ANKUB1: variants seen among roughly 807,000 people sequenced by gnomAD.
ANKUB1 encodes the protein ankyrin repeat and ubiquitin domain containing 1.
A neutral mutation model predicts 49.3 loss-of-function variants in ANKUB1; 42 were observed. The observed-to-expected ratio is 0.85, with a 90% confidence interval of 0.67 to 1.10. The LOEUF is 1.10. ANKUB1 is among the 50% of genes least tolerant of loss of function. The probability of loss-of-function intolerance (pLI) is 0.00; values close to 1 mark genes in which losing one functional copy is unlikely to be tolerated. For missense variants in ANKUB1, 613 were observed against 642.0 expected (o/e 0.95, Z 0.49); for synonymous variants, 222 against 231.0 (o/e 0.96, Z 0.35).
In ANKUB1 at chr3:149,767,990, A is replaced by C; in HGVS notation, c.672T>G (p.Val224=). ...CATGGCACCATGCTCGATAGGGGTG[A>C]ACACCGACTGCCTCGTGGGGCCGCG... ...QGARPHEAVG[V]HPYRAWCHEA... Residue 224 remains valine (V), a synonymous_variant, in exon 5 of 6, where the codon GTT becomes GTG. Coordinates refer to ENST00000446160, the MANE Select transcript of ANKUB1 (RefSeq NM_001144960.3). The C allele has an allele frequency of 6.6e-7, 1 of 1,523,576 alleles. No individual in the cohort carries two copies. Among genetic ancestry groups the C allele is most frequent in the Non-Finnish European group, 8.9e-7 (1 of 1,129,582 alleles). 94.4% of individuals were successfully genotyped at this position (1,523,576 alleles called of 1,614,324 possible).
intron 3 of ANKUB1, among the ~76,000 whole-genome samples, chr3:149,773,759 C>T (rs12486289): frequency 0.078 from 11,902 of 152,186 alleles, 630 homozygotes; most frequent in East Asian, 0.27. Flanking sequence ...TTAGCCTGGC[C>T]CCATACCGCA....
intron 2 of ANKUB1, among the ~76,000 whole-genome samples, chr3:149,781,557 G>T (rs1045145882): frequency 1.4e-4 from 22 of 152,230 alleles, no homozygotes; most frequent in Admixed American, 6.5e-4. Context: ...TCTTCAGGGG[G>T]CTCCAACCTG....
chr3:149,780,046 A>G, intron 3 of ANKUB1, 193 bp downstream of exon 3: 1 of 595,320 alleles, frequency 1.7e-6, no homozygotes, highest in South Asian at 2.2e-5. Flanking sequence ...GCAACTTACC[A>G]CTACACATCC....
chr3:149,769,091 T>A (rs1297746479), intron 4 of ANKUB1, among the ~76,000 whole-genome samples: 1 of 152,174 alleles, frequency 6.6e-6, no homozygotes, highest in Non-Finnish European at 1.5e-5. Flanking sequence ...TTAGAATATT[T>A]TATAAAATTG....
intron 4 of ANKUB1, 58 bp downstream of exon 4, chr3:149,770,502 G>T: frequency 7.8e-7 from 1 of 1,275,396 alleles, no homozygotes; most frequent in Non-Finnish European, 1.1e-6. Flanking sequence ...AAGGTATGAT[G>T]GAAGTTTAGT....
intron 5 of ANKUB1, among the ~76,000 whole-genome samples, chr3:149,765,744 A>G (rs1167034823): frequency 6.6e-6 from 1 of 152,204 alleles, no homozygotes; most frequent in Admixed American, 6.5e-5. Context: ...GGGACTATGT[A>G]GTTTTTTCAA....
chr3:149,789,707 G>A (rs1718274228), intron 2 of ANKUB1, among the ~76,000 whole-genome samples: 1 of 148,342 alleles, frequency 6.7e-6, no homozygotes, highest in Non-Finnish European at 1.5e-5. Flanking sequence ...TCAGCTCACT[G>A]CAACCTCCCC....
At chr3:149,789,775 T>C (rs1718277843) in intron 2 of ANKUB1, among the ~76,000 whole-genome samples, 1 of 151,862 alleles carries the variant, frequency 6.6e-6, no homozygotes, top group Admixed American at 6.6e-5. Context: ...GACTACAGGC[T>C]CATGCCATCA....
chr3:149,764,955 T>A (rs1273500688), intron 5 of ANKUB1, among the ~76,000 whole-genome samples: 4 of 152,158 alleles, frequency 2.6e-5, no homozygotes, highest in Non-Finnish European at 5.9e-5. Flanking sequence ...CCGGCAATTC[T>A]ATTCCTTGGT....
intron 2 of ANKUB1, chr3:149,783,758 A>G (rs187849319): frequency 3.3e-5 from 5 of 152,342 alleles, no homozygotes; most frequent in African/African-American, 1.2e-4. Flanking sequence ...AACCAAATGA[A>G]TTCCAGTGAG....
At chr3:149,768,799 T>A (rs976953546) in intron 4 of ANKUB1, among the ~76,000 whole-genome samples, 8 of 151,602 alleles carry the variant, frequency 5.3e-5, no homozygotes, top group African/African-American at 1.9e-4. Flanking sequence ...CACCTTGGCC[T>A]CCCAAAGTAA....
intron 5 of ANKUB1, chr3:149,766,860 A>AAGG: frequency 5.6e-6 from 6 of 1,071,458 alleles, no homozygotes; most frequent in Admixed American, 4.8e-5. Context: ...CAGCAGCAGC[A>AAGG]GCAGCAGCAG....
intron 3 of ANKUB1, among the ~76,000 whole-genome samples, chr3:149,777,239 C>T (rs183260312): frequency 2.2e-3 from 333 of 152,174 alleles, no homozygotes; most frequent in Admixed American, 3.6e-3. Flanking sequence ...TTTGGGAGGC[C>T]AAGGCGGGCA....
chr3:149,788,880 G>A (rs1475059264), intron 2 of ANKUB1, among the ~76,000 whole-genome samples: 1 of 151,920 alleles, frequency 6.6e-6, no homozygotes, highest in African/African-American at 2.4e-5. Flanking sequence ...GGGTTCAAGT[G>A]ATTCTTTTCC....
chr3:149,787,150 A>G (rs893545567), intron 2 of ANKUB1, among the ~76,000 whole-genome samples: 4 of 152,178 alleles, frequency 2.6e-5, no homozygotes, highest in Non-Finnish European at 5.9e-5. Context: ...TTGAATCTAT[A>G]AATTACCTTG....
intron 5 of ANKUB1, among the ~76,000 whole-genome samples, chr3:149,762,674 CAAA>C (rs1716830691): frequency 1.3e-5 from 2 of 152,142 alleles, no homozygotes; most frequent in East Asian, 3.8e-4. Context: ...CAAAAACAAA[CAAA>C]AACTGATTAT....
At chr3:149,786,975 G>A (rs146651909) in intron 2 of ANKUB1, among the ~76,000 whole-genome samples, 4,324 of 152,164 alleles carry the variant, frequency 0.028, 84 homozygotes, top group Non-Finnish European at 0.036. Context: ...GGTTACTTTA[G>A]CCTTATAGTA....
At chr3:149,785,350 T>G (rs1294970946) in intron 2 of ANKUB1, among the ~76,000 whole-genome samples, 1 of 152,156 alleles carries the variant, frequency 6.6e-6, no homozygotes, top group Non-Finnish European at 1.5e-5. Context: ...CATGTTGGTG[T>G]GCTGCACCCA....
chr3:149,790,983 T>G, intron 1 of ANKUB1, 59 bp from the exon 2 acceptor site: 1 of 1,470,410 alleles, frequency 6.8e-7, no homozygotes, highest in Non-Finnish European at 9.1e-7. Flanking sequence ...AGACCAGAAA[T>G]GTACTCTCTT....
Sources: gnomAD v4.1 joint callset for allele counts (sites outside exome capture counted in the v4.1 genomes callset) on GRCh38, gnomAD v4.1.1 for gene constraint, MANE v1.5 for transcripts, NCBI Gene and HGNC (gene_info 2026-07-23, HGNC 2026-07-21) for gene names.